The following CNTNAP2 variants were observed in gnomAD, a reference collection of about 807,000 sequenced individuals.
The protein encoded by CNTNAP2 is contactin associated protein 2, also known as contactin-associated protein-like 2.
In CNTNAP2, 98 loss-of-function variants were observed where a neutral mutation model predicts 155.2. The ratio of observed to expected loss-of-function variants is 0.63; its 90% confidence interval spans 0.54 to 0.75. The LOEUF is 0.75. CNTNAP2 is among the 30% of genes least tolerant of loss of function. CNTNAP2 has a pLI of 0.00. For synonymous variants in CNTNAP2, 651 were observed against 631.2 expected, an observed-to-expected ratio of 1.03 and a Z score of -0.47; for missense variants, 1,727 against 1,688.1, an observed-to-expected ratio of 1.02 and a Z score of -0.40.
In CNTNAP2 at chr7:147,467,841, G is replaced by A. The variant is rs183419005; in HGVS notation, c.1671-18094G>A. 2.8e-4 allele frequency among the ~76,000 whole-genome samples: 41 copies of A among 148,950 alleles called. 1 individual carries two copies. The East Asian group carries it at 7.7e-3, about 28-fold the overall frequency. On this transcript the variant is annotated intron_variant, in intron 10 of 23. Transcript: ENST00000361727. ...GGCCAGAAGTTTGACACCAGCCTGG[G>A]AAACATAGTAAGAATGTGTCTCTAA...
intron 1 of CNTNAP2, among the ~76,000 whole-genome samples, chr7:146,771,843 GAGAGAAACATTTTTGAATATAT>G (rs1261002751): frequency 1.3e-5 from 2 of 152,064 alleles, no homozygotes; most frequent in Non-Finnish European, 2.9e-5. Flanking sequence ...ATAAATTTGA[GAGAGAAACATTTTTGAATATAT>G]AGAGAAACAT....
intron 3 of CNTNAP2, among the ~76,000 whole-genome samples, chr7:146,908,230 TAGAC>T (rs1796188521): frequency 6.6e-6 from 1 of 152,024 alleles, no homozygotes; most frequent in African/African-American, 2.4e-5. Flanking sequence ...CTGTCAACAT[TAGAC>T]AGATCAACGA....
intron 1 of CNTNAP2, among the ~76,000 whole-genome samples, chr7:146,198,685 C>A (rs1450024068): frequency 6.6e-6 from 1 of 152,106 alleles, no homozygotes; most frequent in Non-Finnish European, 1.5e-5. Flanking sequence ...AAAATTCCTG[C>A]AATGTTGTCA....
intron 13 of CNTNAP2, among the ~76,000 whole-genome samples, chr7:147,878,578 A>C (rs1799465524): frequency 6.6e-6 from 1 of 152,052 alleles, no homozygotes; most frequent in Non-Finnish European, 1.5e-5. Flanking sequence ...AAATACTTTT[A>C]TAGATTTAGG....
At chr7:147,399,259 C>T (rs1423590425) in intron 10 of CNTNAP2, among the ~76,000 whole-genome samples, 6 of 152,126 alleles carry the variant, frequency 3.9e-5, no homozygotes, top group South Asian at 2.1e-4. Flanking sequence ...CCATTTGCAG[C>T]GTTCTAAATA....
chr7:147,869,779 T>C (rs796278083), intron 13 of CNTNAP2, among the ~76,000 whole-genome samples: 7 of 152,300 alleles, frequency 4.6e-5, no homozygotes, highest in African/African-American at 1.7e-4. Flanking sequence ...AGATTGCAGA[T>C]AATAAGTTTG....
chr7:147,998,103 C>CTTTTTTTTTTTT (rs71188938), intron 15 of CNTNAP2, among the ~76,000 whole-genome samples: 5 of 75,806 alleles, frequency 6.6e-5, no homozygotes, highest in Non-Finnish European at 9.3e-5. Context: ...TTTCTTTTTT[C>CTTTTTTTTTTTT]TTTTTTTTTT....
intron 13 of CNTNAP2, among the ~76,000 whole-genome samples, chr7:147,798,316 C>T (rs1379218047): frequency 6.6e-6 from 1 of 151,942 alleles, no homozygotes; most frequent in African/African-American, 2.4e-5. Flanking sequence ...AAATACAGTA[C>T]CAGCTTTATT....
intron 1 of CNTNAP2, among the ~76,000 whole-genome samples, chr7:146,626,911 C>A (rs6968860): frequency 0.18 from 26,798 of 152,006 alleles, 3,831 homozygotes; most frequent in African/African-American, 0.4. Context: ...ATTGGGTCAT[C>A]TCTAATATAA....
Position 146,352,830 on chromosome 7 carries a change from C to A in CNTNAP2, c.97+235857C>A, listed in dbSNP as rs1165213621. ...AGTTCAGTGGTGCGATCTCGGCTCA[C>A]TGCAAGCTCCGCCTCCCGGGTTCAC... On this transcript the variant is annotated intron_variant, in intron 1 of 23. Transcript: ENST00000361727. 2.2e-5 allele frequency among the ~76,000 whole-genome samples: 3 copies of A among 136,304 alleles called. No homozygotes were observed. In the East Asian group the frequency reaches 6.9e-4, roughly 32 times the overall value. 89.4% of individuals were successfully genotyped at this position (136,304 alleles called of 152,430 possible).
At chr7:147,851,290 G>A (rs1037454832) in intron 13 of CNTNAP2, among the ~76,000 whole-genome samples, 1 of 152,202 alleles carries the variant, frequency 6.6e-6, no homozygotes, top group Admixed American at 6.5e-5. Context: ...TGGAGAGGAT[G>A]TGGAGAAATA....
At chr7:146,257,080 A>C (rs1405111) in intron 1 of CNTNAP2, among the ~76,000 whole-genome samples, 6,291 of 152,254 alleles carry the variant, frequency 0.041, 388 homozygotes, top group African/African-American at 0.14. Context: ...TTAATTGCAA[A>C]AGACCTAGCC....
intron 15 of CNTNAP2, among the ~76,000 whole-genome samples, chr7:148,071,789 A>G (rs1258232921): frequency 1.3e-5 from 2 of 152,218 alleles, no homozygotes; most frequent in African/African-American, 4.8e-5. Context: ...AGTTTTATAA[A>G]TGCTGTATAC....
At position 147,978,006 on chromosome 7, in the gene CNTNAP2, G is replaced by C; in HGVS notation, c.2383+17G>C. On this transcript the variant is annotated intron_variant, in intron 15 of 23. Transcript: ENST00000361727. The stretch of plus-strand genomic sequence containing the variant: ...AAGGAGACAGTAAGTTTGCATAGCA[G>C]CTATGGCTTGCACTTTCTTATCCCA... The C allele has an allele frequency of 6.2e-7, 1 of 1,613,694 alleles. No homozygotes were observed. The highest frequency in any genetic ancestry group is 8.5e-7 in the Non-Finnish European group (1 of 1,179,818).
chr7:146,759,119 A>G (rs970011046), intron 1 of CNTNAP2, among the ~76,000 whole-genome samples: 5 of 152,118 alleles, frequency 3.3e-5, no homozygotes, highest in African/African-American at 1.2e-4. Context: ...TCTGAAAACA[A>G]TTTTATTTAG....
intron 3 of CNTNAP2, among the ~76,000 whole-genome samples, chr7:146,841,023 A>G (rs1239623072): frequency 8.5e-5 from 13 of 152,234 alleles, no homozygotes; most frequent in Admixed American, 8.5e-4. Context: ...CGCAATTGAG[A>G]TAATTCAAAT....
chr7:146,327,725 T>G (rs1271315311), intron 1 of CNTNAP2, among the ~76,000 whole-genome samples: 1 of 152,170 alleles, frequency 6.6e-6, no homozygotes, highest in Non-Finnish European at 1.5e-5. Context: ...TTAACTAAAG[T>G]GAACTTTTGA....
chr7:146,603,353 A>G (rs1403483918), intron 1 of CNTNAP2, among the ~76,000 whole-genome samples: 1 of 150,736 alleles, frequency 6.6e-6, no homozygotes, highest in Non-Finnish European at 1.5e-5. Flanking sequence ...CGGAACTTGC[A>G]GTGAGCCGAG....
intron 14 of CNTNAP2, among the ~76,000 whole-genome samples, chr7:147,957,478 A>T (rs536843627): frequency 3.9e-5 from 6 of 152,258 alleles, no homozygotes; most frequent in South Asian, 4.1e-4. Context: ...AACTAGAATA[A>T]AAGTTTGAAA....
Sources: allele counts gnomAD v4.1 joint callset (sites outside exome capture counted in the v4.1 genomes callset), GRCh38; gene constraint gnomAD v4.1.1; transcripts MANE v1.5; gene names NCBI Gene and HGNC (gene_info 2026-07-23, HGNC 2026-07-21).